Variants in GUCY1B1 observed in about 807,000 individuals in gnomAD.
GUCY1B1 encodes guanylate cyclase 1 soluble subunit beta 1.
GUCY1B1 carries 43 observed loss-of-function variants against 71.0 expected under a neutral mutation model. That is an observed-to-expected ratio of 0.61 (90% confidence interval 0.47 to 0.78). The LOEUF (loss-of-function observed/expected upper bound fraction) is 0.78. GUCY1B1 is among the 30% of genes least tolerant of loss of function. The pLI is 0.00. For synonymous variants in GUCY1B1, 266 were observed against 259.7 expected (o/e 1.02, Z -0.23); for missense variants, 535 against 754.1 (o/e 0.71, Z 3.40).
intron 13 of GUCY1B1, 34 bp downstream of exon 13, chr4:155,805,263 A>T: frequency 2.5e-6 from 4 of 1,570,514 alleles, no homozygotes; most frequent in Non-Finnish European, 3.5e-6. Context: ...TGCGTACTTA[A>T]GACAGAGTAT....
At chr4:155,795,240 G>C (rs1739464884) in intron 6 of GUCY1B1, 101 bp from the exon 7 acceptor site, 2 of 563,644 alleles carry the variant, frequency 3.5e-6, no homozygotes, top group Admixed American at 3.3e-5. Context: ...TAATTTTCTA[G>C]TTTTAAATAT....
chr4:155,780,585 C>G lies in GUCY1B1; in HGVS notation c.297+2943C>G, dbSNP rs77068647. Among the ~76,000 whole-genome samples the G allele has an allele frequency of 4.1e-3, 620 of 152,264 alleles. 6 individuals are homozygous for G. Among genetic ancestry groups the G allele is most frequent in the African/African-American group, 0.014 (590 of 41,540 alleles). ...CTTAATGTTTGTACCTTCACAGATG[C>G]AATCTGTATATCTGAGAATAAATGA... On this transcript the variant is annotated intron_variant, in intron 4 of 13. Coordinates refer to ENST00000264424, the MANE Select transcript of GUCY1B1 (RefSeq NM_000857.5).
intron 4 of GUCY1B1, among the ~76,000 whole-genome samples, chr4:155,783,808 G>A (rs1738589161): frequency 6.6e-6 from 1 of 152,108 alleles, no homozygotes; most frequent in African/African-American, 2.4e-5. Context: ...TAAGAAAAAA[G>A]AGCACCATTC....
Position 155,795,468 on chromosome 4 carries a change from T to C in GUCY1B1, c.843+11T>C, listed in dbSNP as rs752610240. Reference sequence around the variant, plus strand: ...GTATTGAGAAGCAAGGTAATCAAGATATTATTTCATTAAATGTGAGAAAGG... The same window carrying C: ...GTATTGAGAAGCAAGGTAATCAAGACATTATTTCATTAAATGTGAGAAAGG... On this transcript the variant is annotated intron_variant, in intron 7 of 13. Coordinates refer to ENST00000264424, the MANE Select transcript of GUCY1B1 (RefSeq NM_000857.5). 2.5e-6 allele frequency: 3 copies of C among 1,203,666 alleles called. No individual in the cohort carries two copies. The highest frequency in any genetic ancestry group is 2.5e-6 in the Non-Finnish European group (2 of 812,986). 74.6% of individuals were successfully genotyped at this position (1,203,666 alleles called of 1,614,324 possible). A position where few individuals can be genotyped will look rare whatever the true frequency, so the allele number is the denominator to read the frequency against.
intron 4 of GUCY1B1, among the ~76,000 whole-genome samples, chr4:155,780,786 A>T (rs1405194774): frequency 6.6e-6 from 1 of 152,152 alleles, no homozygotes; most frequent in Non-Finnish European, 1.5e-5. Flanking sequence ...AAAAGAAGAG[A>T]CATACACTAG....
In GUCY1B1 at chr4:155,796,397, G is replaced by A. The variant is rs1033357682; in HGVS notation, c.864G>A (p.Glu288=). The stretch of plus-strand genomic sequence containing the variant: ...TCAAGGAAGGATTGTTGGATGTGGA[G>A]AAATTAGAATGTGAGGATGAACTGA... ...LRSKEGLLDV[E]KLECEDELTG... The change falls in exon 8 of 14, where the codon GAG becomes GAA. Residue 288 remains glutamate, a synonymous_variant. Coordinates refer to ENST00000264424, the MANE Select transcript of GUCY1B1 (RefSeq NM_000857.5). 1.9e-6 allele frequency: 3 copies of A among 1,613,434 alleles called. No homozygotes were observed. The highest frequency in any genetic ancestry group is 1.6e-4 in the Middle Eastern group (1 of 6,062).
intron 4 of GUCY1B1, among the ~76,000 whole-genome samples, chr4:155,782,225 G>A (rs1414421845): frequency 1.3e-5 from 2 of 152,020 alleles, no homozygotes; most frequent in African/African-American, 2.4e-5. Context: ...ACAGGCGCCC[G>A]CCACCACACC....
At chr4:155,774,500 A>G (rs187557780) in intron 2 of GUCY1B1, among the ~76,000 whole-genome samples, 20 of 152,146 alleles carry the variant, frequency 1.3e-4, no homozygotes, top group Admixed American at 1.3e-3. Flanking sequence ...ACTTACCATT[A>G]TATGTTATTT....
chr4:155,759,184 C>T (rs778853349), intron 1 of GUCY1B1, 41 bp downstream of exon 1: 2 of 1,548,144 alleles, frequency 1.3e-6, no homozygotes, highest in Non-Finnish European at 1.7e-6. Flanking sequence ...CCTCACCCCT[C>T]CTCGGCCGGC....
In GUCY1B1 at chr4:155,806,575, C is replaced by T. The variant is rs1434132478; in HGVS notation, c.*166C>T. 1.9e-6 allele frequency: 1 copy of T among 522,244 alleles called. No homozygotes were observed. The highest frequency in any genetic ancestry group is 3.5e-6 in the Non-Finnish European group (1 of 289,326). The allele number at this position is 522,244 out of a possible 1,614,324, so 32.4% of individuals were successfully genotyped here. On this transcript the variant is annotated 3_prime_UTR_variant, in exon 14 of 14. Coordinates refer to ENST00000264424, the MANE Select transcript of GUCY1B1 (RefSeq NM_000857.5). ...ATATCTCTCACTATCCGTTATTCAACCTTAGCTCTGCTTTCTATTACTTTT... is the reference window on the plus strand; with the variant it reads ...ATATCTCTCACTATCCGTTATTCAATCTTAGCTCTGCTTTCTATTACTTTT...
rs755909035 is a variant in GUCY1B1 at position 155,795,469 on chromosome 4, A to T, written c.843+12A>T. 3.4e-6 allele frequency: 4 copies of T among 1,189,384 alleles called. No individual in the cohort carries two copies. The highest frequency in any genetic ancestry group is 5.0e-6 in the Non-Finnish European group (4 of 800,170). 73.7% of individuals were successfully genotyped at this position (1,189,384 alleles called of 1,614,324 possible). A position where few individuals can be genotyped will look rare whatever the true frequency, so the allele number is the denominator to read the frequency against. ...TATTGAGAAGCAAGGTAATCAAGAT[A>T]TTATTTCATTAAATGTGAGAAAGGT... On this transcript the variant is annotated intron_variant, in intron 7 of 13. Transcript: ENST00000264424.
chr4:155,773,000 G>C (rs2111016510), intron 2 of GUCY1B1, among the ~76,000 whole-genome samples: 1 of 152,320 alleles, frequency 6.6e-6, no homozygotes, highest in Admixed American at 6.5e-5. Flanking sequence ...AGCTGTGATA[G>C]CACAGCTTCT....
chr4:155,770,018 T>C (rs775741842), intron 2 of GUCY1B1, among the ~76,000 whole-genome samples: 1 of 152,170 alleles, frequency 6.6e-6, no homozygotes, highest in African/African-American at 2.4e-5. Context: ...CCCATATAAA[T>C]TCTACTTGTC....
At position 155,805,117 on chromosome 4, in the gene GUCY1B1, C is replaced by T. The variant is rs1740228536; in HGVS notation, c.1724C>T (p.Pro575Leu). Residue 575 changes from proline to leucine, a missense_variant, in exon 13 of 14, where the codon CCA becomes CTA. By Grantham distance (98) the Pro-to-Leu change is moderately conservative (BLOSUM62 -3). Transcript: ENST00000264424. Reference sequence around the variant, plus strand: ...TTGTCTTTTAGATGTCTTATGTCTCCAGAAAATTCAGATCCACAATTCCAC... The same window carrying T: ...TTGTCTTTTAGATGTCTTATGTCTCTAGAAAATTCAGATCCACAATTCCAC... Reference protein sequence around the residue: ...SEYTYRCLMSPENSDPQFHLE... With the variant: ...SEYTYRCLMSLENSDPQFHLE... 1 of 1,611,736 alleles carries T rather than the reference C, an allele frequency of 6.2e-7. No individual in the cohort carries two copies.
At chr4:155,768,059 A>G (rs1318142814) in intron 2 of GUCY1B1, among the ~76,000 whole-genome samples, 1 of 152,140 alleles carries the variant, frequency 6.6e-6, no homozygotes. Flanking sequence ...TGGAGCTGTC[A>G]TTGGTCAGTT....
chr4:155,795,303 A>T, intron 6 of GUCY1B1, 38 bp from the exon 7 acceptor site: 1 of 988,948 alleles, frequency 1.0e-6, no homozygotes, highest in Non-Finnish European at 1.6e-6. Context: ...AACTATTTTA[A>T]CTGATGTGAT....
intron 2 of GUCY1B1, among the ~76,000 whole-genome samples, chr4:155,764,136 A>G (rs2110969842): frequency 6.6e-6 from 1 of 152,334 alleles, no homozygotes; most frequent in South Asian, 2.1e-4. Context: ...AAAAGAGCAC[A>G]TCACCATGTT....
In GUCY1B1 at chr4:155,804,625, T is replaced by C; in HGVS notation, c.1587T>C (p.Val529=). ...ITIGIHTGEV[V]TGVIGQRMPR... ...TAGGGATACACACTGGAGAGGTAGT[T>C]ACAGGTGTCATAGGACAGCGGATGC... The change falls in exon 12 of 14, where the codon GTT becomes GTC. Residue 529 remains valine (V), a synonymous_variant. Transcript: ENST00000264424. 1 of 1,612,668 alleles carries C rather than the reference T, an allele frequency of 6.2e-7. No homozygotes were observed. The highest frequency in any genetic ancestry group is 8.5e-7 in the Non-Finnish European group (1 of 1,178,764).
At chr4:155,804,539 A>AG (rs1326050010) in intron 11 of GUCY1B1, 54 bp from the exon 12 acceptor site, 19 of 1,462,242 alleles carry the variant, frequency 1.3e-5, no homozygotes, top group Non-Finnish European at 1.7e-5. Flanking sequence ...TAAAAAAAAA[A>AG]AAATTCATGT....
Sources: allele counts gnomAD v4.1 joint callset (sites outside exome capture counted in the v4.1 genomes callset), GRCh38; gene constraint gnomAD v4.1.1; transcripts MANE v1.5; gene names NCBI Gene and HGNC (gene_info 2026-07-23, HGNC 2026-07-21).